BATF3: variants seen among roughly 807,000 people sequenced by gnomAD.
The protein encoded by BATF3 is basic leucine zipper transcriptional factor ATF-like 3.
Under a neutral mutation model 16.1 loss-of-function variants are expected in BATF3, and 8 were observed. The ratio of observed to expected loss-of-function variants is 0.50; its 90% CI spans 0.29 to 0.90. BATF3 has a LOEUF of 0.90. Among genes scored for constraint, BATF3 ranks in the 40% least tolerant of loss-of-function variants. BATF3 has a pLI of 0.08. For missense variants in BATF3, 139 were observed against 167.0 expected (o/e 0.83, Z 0.92); for synonymous variants, 74 against 72.7 (o/e 1.02, Z -0.09).
Position 212,696,924 on chromosome 1 carries a change from G to T in BATF3, c.195+37C>A, listed in dbSNP as rs201969658. On this transcript the variant is annotated intron_variant, in intron 2 of 2. Coordinates refer to ENST00000243440, the MANE Select transcript of BATF3 (RefSeq NM_018664.3). Reference sequence around the variant, plus strand: ...CACTCCCGTGCAAGGCAGAGGCTGTGTGGCTCTAAGGTGGCTTGCCCCTAC... The same window carrying T: ...CACTCCCGTGCAAGGCAGAGGCTGTTTGGCTCTAAGGTGGCTTGCCCCTAC... The T allele has an allele frequency of 5.3e-6, 8 of 1,514,900 alleles. No homozygotes were observed. The East Asian group carries it at 1.8e-4, about 34-fold the overall frequency. The allele number at this position is 1,514,900 out of a possible 1,614,324, so 93.8% of individuals were successfully genotyped here.
chr1:212,696,184 A>G (rs777784432), intron 2 of BATF3, among the ~76,000 whole-genome samples: 1 of 152,180 alleles, frequency 6.6e-6, no homozygotes, highest in Non-Finnish European at 1.5e-5. Context: ...GTCACCACCA[A>G]CATTTAAGCC....
rs1260695434 is a variant in BATF3 at position 212,686,645 on chromosome 1, G to T, written c.*146C>A. ...TTGGATGTCGGGCTGAGCCCAGTCT[G>T]CAGGGAACACAGCTGGCTGGTCCTG... On this transcript the variant is annotated 3_prime_UTR_variant, in exon 3 of 3. Transcript: ENST00000243440. The T allele has an allele frequency of 2.2e-6, 3 of 1,346,514 alleles. No homozygotes were observed. The East Asian group carries it at 7.6e-5, about 34-fold the overall frequency. The allele number at this position is 1,346,514 out of a possible 1,614,324, so 83.4% of individuals were successfully genotyped here.
At position 212,699,697 on chromosome 1, in the gene BATF3, C is replaced by T; in HGVS notation, c.66G>A (p.Gln22=). 1.5e-6 allele frequency: 2 copies of T among 1,351,372 alleles called. No homozygotes were observed. The highest frequency in any genetic ancestry group is 9.6e-7 in the Non-Finnish European group (1 of 1,047,068). 83.7% of individuals were successfully genotyped at this position (1,351,372 alleles called of 1,614,324 possible). ...CCTGCTGCTGCGGCTGCGGCTGCGGCTGGTTCCCGGGCGCCGCGACGCTCC... is the reference window on the plus strand; with the variant it reads ...CCTGCTGCTGCGGCTGCGGCTGCGGTTGGTTCCCGGGCGCCGCGACGCTCC... The part of the protein sequence containing the change: ...LQRSVAAPGN[Q]PQPQPQQQSP... Residue 22 remains glutamine (Q), a synonymous_variant, in exon 1 of 3, where the codon CAG becomes CAA. Coordinates refer to ENST00000243440, the MANE Select transcript of BATF3 (RefSeq NM_018664.3). The surrounding 1 kb of genome is among the most constrained non-coding windows in gnomAD (Gnocchi z 4.4).
chr1:212,699,502 GC>G lies in BATF3; in HGVS notation c.90+170del, dbSNP rs1303283747. 6.6e-6 allele frequency among the ~76,000 whole-genome samples: 1 copy of G among 151,934 alleles called. No individual in the cohort carries two copies. Among genetic ancestry groups the G allele is most frequent in the African/African-American group, 2.4e-5 (1 of 41,388 alleles). ...GTGCGCACGACAGGGTCCCTGGATC[GC>G]CCCCATTCCCCAACATCCCTACGCC... is the stretch of plus-strand genomic sequence containing the variant. On this transcript the variant is annotated intron_variant, in intron 1 of 2. Transcript: ENST00000243440. The surrounding 1 kb of genome is among the most constrained non-coding windows in gnomAD (Gnocchi z 4.4).
At chr1:212,688,551 A>G (rs1042690072) in intron 2 of BATF3, among the ~76,000 whole-genome samples, 2 of 152,240 alleles carry the variant, frequency 1.3e-5, no homozygotes, top group African/African-American at 4.8e-5. Context: ...TTATTTGGAC[A>G]TCTTCCAGAC....
chr1:212,693,134 ATT>A (rs1340968784), intron 2 of BATF3, among the ~76,000 whole-genome samples: 1 of 152,186 alleles, frequency 6.6e-6, no homozygotes, highest in Non-Finnish European at 1.5e-5. Context: ...TCTTTACACC[ATT>A]TTTAAACCAG....
At chr1:212,694,189 A>C (rs1409506300) in intron 2 of BATF3, among the ~76,000 whole-genome samples, 1 of 152,170 alleles carries the variant, frequency 6.6e-6, no homozygotes, top group Non-Finnish European at 1.5e-5. Flanking sequence ...CAAGAAAACG[A>C]ATCTTCTCCA....
intron 2 of BATF3, among the ~76,000 whole-genome samples, chr1:212,688,985 C>T (rs1656929263): frequency 6.6e-6 from 1 of 152,212 alleles, no homozygotes; most frequent in Admixed American, 6.5e-5. Flanking sequence ...TGCAGTTATC[C>T]TCAACTGGAC....
chr1:212,687,860 G>A (rs1171742201), intron 2 of BATF3, among the ~76,000 whole-genome samples: 4 of 151,410 alleles, frequency 2.6e-5, no homozygotes, highest in Admixed American at 6.6e-5. Context: ...CCAGGATTTC[G>A]AGGCTGCAAT....
intron 2 of BATF3, among the ~76,000 whole-genome samples, chr1:212,687,988 AAAGAAAGAAAGGAAGGAAGGAAGG>A (rs1439118263): frequency 1.7e-5 from 2 of 119,746 alleles, no homozygotes; most frequent in Non-Finnish European, 3.6e-5. Flanking sequence ...AGAAAGAAAG[AAAGAAAGAAAGGAAGGAAGGAAGG>A]AAGGAAGGAA....
At chr1:212,694,096 C>T (rs541061765) in intron 2 of BATF3, among the ~76,000 whole-genome samples, 86 of 152,254 alleles carry the variant, frequency 5.6e-4, no homozygotes, top group African/African-American at 1.7e-3. Context: ...AGTAACGCAG[C>T]CTGAGAAAAA....
At chr1:212,695,490 CAAAAAAAAAAAAA>C (rs373281690) in intron 2 of BATF3, among the ~76,000 whole-genome samples, 4 of 42,226 alleles carry the variant, frequency 9.5e-5, no homozygotes, top group East Asian at 1.7e-3. Flanking sequence ...GACTCTGTCT[CAAAAAAAAAAAAA>C]AAAAAAAAAA....
chr1:212,693,965 G>A (rs1409376664), intron 2 of BATF3, among the ~76,000 whole-genome samples: 1 of 152,214 alleles, frequency 6.6e-6, no homozygotes, highest in African/African-American at 2.4e-5. Flanking sequence ...TGATTAAGAA[G>A]CGTGAGATGG....
Position 212,686,819 on chromosome 1 carries a change from T to G in BATF3, c.356A>C (p.Asp119Ala), listed in dbSNP as rs747426937. Reference protein sequence around the residue: ...MNFVPVPPRPDPVAGCLPR With the variant: ...MNFVPVPPRPAPVAGCLPR ...TCGGGGCAAGCAGCCGGCCACAGGG[T>G]CCGGCCGGGGAGGCACTGGCACAAA... The change falls in exon 3 of 3, where the codon GAC (aspartate) becomes GCC (alanine). Residue 119 changes from aspartate to alanine, a missense_variant. Physicochemically the swap from Asp to Ala is moderately radical, Grantham distance 126 (BLOSUM62 -2). Transcript: ENST00000243440. 6 of 1,613,078 alleles carry G rather than the reference T, an allele frequency of 3.7e-6. No individual in the cohort carries two copies. The highest frequency in any genetic ancestry group is 3.4e-4 in the Middle Eastern group (2 of 5,966).
rs1558023069 is a variant in BATF3 at position 212,699,677 on chromosome 1, T to G, written c.86A>C (p.Gln29Pro). The G allele has an allele frequency of 1.5e-6, 2 of 1,341,108 alleles. No homozygotes were observed. The highest frequency in any genetic ancestry group is 3.2e-5 in the Admixed American group (1 of 31,372). 83.1% of individuals were successfully genotyped at this position (1,341,108 alleles called of 1,614,324 possible). A position where few individuals can be genotyped will look rare whatever the true frequency, so the allele number is the denominator to read the frequency against. ...PGNQPQPQPQQQSPEDDDRKV... is the reference protein window; with the variant it reads ...PGNQPQPQPQPQSPEDDDRKV... ...CCTGAGCCTCTCGCCCTCTACCTGC[T>G]GCTGCGGCTGCGGCTGCGGCTGGTT... Residue 29 changes from glutamine to proline, a missense_variant, in exon 1 of 3, where the codon CAG becomes CCG. Physicochemically the swap from Gln to Pro is moderately conservative, Grantham distance 76. Transcript: ENST00000243440. The surrounding 1 kb of genome is among the most constrained non-coding windows in gnomAD (Gnocchi z 4.4).
chr1:212,690,962 G>A (rs1011484221), intron 2 of BATF3, among the ~76,000 whole-genome samples: 2 of 152,200 alleles, frequency 1.3e-5, no homozygotes, highest in Non-Finnish European at 2.9e-5. Context: ...CAGCTGGTCG[G>A]GGGTGCTACT....
At chr1:212,696,498 T>C (rs1657135492) in intron 2 of BATF3, among the ~76,000 whole-genome samples, 1 of 151,964 alleles carries the variant, frequency 6.6e-6, no homozygotes, top group African/African-American at 2.4e-5. Context: ...TGTTTGTGTG[T>C]ATATATATGT....
Position 212,686,774 on chromosome 1 carries a change from G to A in BATF3, c.*17C>T, listed in dbSNP as rs1656859002. The stretch of plus-strand genomic sequence containing the variant: ...AATGACCAAGGCTCCTTGCTGGGCA[G>A]AGGAGTGTCCCCGGCTTCATCGGGG... On this transcript the variant is annotated 3_prime_UTR_variant, in exon 3 of 3. Coordinates refer to ENST00000243440, the MANE Select transcript of BATF3 (RefSeq NM_018664.3). 6.2e-7 allele frequency: 1 copy of A among 1,604,556 alleles called. No individual in the cohort carries two copies. The highest frequency in any genetic ancestry group is 8.5e-7 in the Non-Finnish European group (1 of 1,174,904).
Position 212,699,634 on chromosome 1 carries a change from C to A in BATF3, c.90+39G>T. 1 of 1,273,518 alleles carries A rather than the reference C, an allele frequency of 7.9e-7. No individual in the cohort carries two copies. The highest frequency in any genetic ancestry group is 9.9e-7 in the Non-Finnish European group (1 of 1,008,208). The allele number at this position is 1,273,518 out of a possible 1,614,324, so 78.9% of individuals were successfully genotyped here. A position where few individuals can be genotyped will look rare whatever the true frequency, so the allele number is the denominator to read the frequency against. On this transcript the variant is annotated intron_variant, in intron 1 of 2. Transcript: ENST00000243440. The surrounding 1 kb of genome is among the most constrained non-coding windows in gnomAD (Gnocchi z 4.4). ...CTCGCCCCCCGCGGCGCGCCGGTCC[C>A]CGCACCCCACGGCCCTCCCTGAGCC...
Sources: allele counts gnomAD v4.1 joint callset (sites outside exome capture counted in the v4.1 genomes callset), GRCh38; gene constraint gnomAD v4.1.1; non-coding constraint Gnocchi (gnomAD v3.1); transcripts MANE v1.5; gene names NCBI Gene and HGNC (gene_info 2026-07-23, HGNC 2026-07-21).